FAM20C: variants seen among roughly 807,000 people sequenced by gnomAD.
FAM20C encodes FAM20C golgi associated secretory pathway kinase, also known as extracellular serine/threonine protein kinase FAM20C.
Under a neutral mutation model 51.5 loss-of-function variants are expected in FAM20C, and 40 were observed. The observed-to-expected ratio is 0.78, with a 90% CI of 0.60 to 1.01. FAM20C has a LOEUF of 1.01. Among genes scored for constraint, FAM20C ranks in the 50% least tolerant of loss-of-function variants. The pLI, the probability that FAM20C is intolerant of heterozygous loss-of-function variation, is 0.00. For missense variants in FAM20C, 861 were observed against 844.7 expected (o/e 1.02, Z -0.24); for synonymous variants, 406 against 380.6 (o/e 1.07, Z -0.78).
At chr7:250,655 C>T (rs1436020641) in intron 5 of FAM20C, among the ~76,000 whole-genome samples, 1 of 152,206 alleles carries the variant, frequency 6.6e-6, no homozygotes, top group Non-Finnish European at 1.5e-5. Context: ...GCTGTCAGCC[C>T]TTGGGTCGAC....
At chr7:234,865 C>A (rs1787803610) in intron 3 of FAM20C, among the ~76,000 whole-genome samples, 1 of 152,132 alleles carries the variant, frequency 6.6e-6, no homozygotes, top group South Asian at 2.1e-4. Context: ...CCGAGAAGCC[C>A]ACGGCACTGC....
chr7:241,716 G>T (rs2115134311), intron 3 of FAM20C, among the ~76,000 whole-genome samples: 1 of 152,284 alleles, frequency 6.6e-6, no homozygotes, highest in African/African-American at 2.4e-5. Context: ...GTGTTAATGT[G>T]CATCCACTGT....
intron 3 of FAM20C, among the ~76,000 whole-genome samples, chr7:218,173 G>A (rs1025583351): frequency 1.3e-5 from 2 of 152,192 alleles, no homozygotes; most frequent in African/African-American, 2.4e-5. Context: ...GCGTTCACCC[G>A]GCAGCTCAAG....
chr7:224,122 C>CG (rs1336723013), intron 3 of FAM20C, among the ~76,000 whole-genome samples: 1 of 142,818 alleles, frequency 7.0e-6, no homozygotes, highest in East Asian at 2.1e-4. Flanking sequence ...CAGAGCAGAA[C>CG]GGCACCCTCA....
chr7:230,969 T>C (rs1169318107), intron 3 of FAM20C, among the ~76,000 whole-genome samples: 1 of 152,128 alleles, frequency 6.6e-6, no homozygotes, highest in East Asian at 1.9e-4. Flanking sequence ...TCCCAGCTAC[T>C]CGGGAGGCTG....
At chr7:252,295 C>T (rs533484078) in intron 5 of FAM20C, among the ~76,000 whole-genome samples, 2 of 144,688 alleles carry the variant, frequency 1.4e-5, no homozygotes, top group Non-Finnish European at 3.1e-5. Context: ...TAGACACCCC[C>T]TCGGCCTCCC....
chr7:231,538 C>T (rs567731611), intron 3 of FAM20C, among the ~76,000 whole-genome samples: 6 of 151,310 alleles, frequency 4.0e-5, no homozygotes, highest in African/African-American at 7.3e-5. Flanking sequence ...TGGAGGGCTC[C>T]GTGGGAGGAG....
At position 192,806 on chromosome 7, in the gene FAM20C, G is replaced by A. The variant is rs1785620847; in HGVS notation, c.-394G>A. Among the ~76,000 whole-genome samples the A allele has an allele frequency of 7.1e-6, 1 of 140,338 alleles. No homozygotes were observed. The highest frequency in any genetic ancestry group is 1.6e-5 in the Non-Finnish European group (1 of 63,900). 92.1% of individuals were successfully genotyped at this position (140,338 alleles called of 152,430 possible). On this transcript the variant is annotated 5_prime_UTR_variant, in exon 1 of 10. Transcript: ENST00000313766. ...GAGGATCGGGACGCCTGCGGCCGCC[G>A]CCACCGCCCAGGCCCGTCGCGCCCC...
At chr7:204,681 A>C (rs1160289853) in intron 2 of FAM20C, among the ~76,000 whole-genome samples, 1 of 152,240 alleles carries the variant, frequency 6.6e-6, no homozygotes, top group African/African-American at 2.4e-5. Context: ...GTGAGCGCCC[A>C]CACTGCCGCT....
At chr7:232,848 G>A (rs1787741033) in intron 3 of FAM20C, among the ~76,000 whole-genome samples, 1 of 152,224 alleles carries the variant, frequency 6.6e-6, no homozygotes, top group Non-Finnish European at 1.5e-5. Context: ...AGTTGTTAAG[G>A]AGCCCTGGAT....
chr7:205,571 G>A (rs1201116665), intron 2 of FAM20C, among the ~76,000 whole-genome samples: 4 of 152,138 alleles, frequency 2.6e-5, no homozygotes, highest in Non-Finnish European at 5.9e-5. Flanking sequence ...GGGGAGGGGC[G>A]GGAGGTGCAG....
At chr7:243,817 C>G (rs1314196009) in intron 3 of FAM20C, among the ~76,000 whole-genome samples, 1 of 152,106 alleles carries the variant, frequency 6.6e-6, no homozygotes, top group Non-Finnish European at 1.5e-5. Flanking sequence ...GCTCAGTTTC[C>G]TAGCGGCTTT....
intron 3 of FAM20C, among the ~76,000 whole-genome samples, chr7:216,527 C>A (rs1268409738): frequency 6.6e-6 from 1 of 151,840 alleles, no homozygotes; most frequent in Non-Finnish European, 1.5e-5. Context: ...CAGCTGGGAG[C>A]CCTGGTCCTT....
At chr7:222,156 G>A (rs1449882820) in intron 3 of FAM20C, among the ~76,000 whole-genome samples, 2 of 152,190 alleles carry the variant, frequency 1.3e-5, no homozygotes, top group African/African-American at 4.8e-5. Context: ...AGGAGACAGG[G>A]CAGGGCTGGA....
intron 3 of FAM20C, among the ~76,000 whole-genome samples, chr7:216,872 C>T (rs1008896066): frequency 6.6e-6 from 1 of 152,132 alleles, no homozygotes; most frequent in East Asian, 1.9e-4. Context: ...CTTTAGCCCT[C>T]CTTCCGGGCT....
intron 3 of FAM20C, among the ~76,000 whole-genome samples, chr7:236,561 A>T (rs1787853154): frequency 6.6e-6 from 1 of 151,712 alleles, no homozygotes; most frequent in Non-Finnish European, 1.5e-5. Context: ...CCCACTTCTT[A>T]CTCTGCAGAA....
intron 1 of FAM20C, 147 bp from the exon 2 acceptor site, chr7:195,407 G>C: frequency 3.1e-6 from 2 of 639,028 alleles, no homozygotes; most frequent in South Asian, 8.4e-5. Context: ...GACGTTGCAG[G>C]GCCCTCTTTA....
rs373867104 is a variant in FAM20C at position 259,415 on chromosome 7, G to A, written c.1506-316G>A. On this transcript the variant is annotated intron_variant, in intron 9 of 9. Coordinates refer to ENST00000313766, the MANE Select transcript of FAM20C (RefSeq NM_020223.4). The stretch of plus-strand genomic sequence containing the variant: ...GTTGGATCGCAGGCCCCTCTCTCGC[G>A]GTCTCTCTCGTCTCTGCCGTCTCTA... Among the ~76,000 whole-genome samples the A allele has an allele frequency of 9.0e-4, 46 of 51,388 alleles. No individual in the cohort carries two copies. In the East Asian group the frequency reaches 0.017, roughly 19 times the overall value. 33.7% of individuals were successfully genotyped at this position (51,388 alleles called of 152,430 possible).
intron 2 of FAM20C, among the ~76,000 whole-genome samples, chr7:202,225 G>A (rs111375138): frequency 0.048 from 7,335 of 152,114 alleles, 206 homozygotes; most frequent in African/African-American, 0.056. Flanking sequence ...ATTGCACTGG[G>A]GAATGGGGCT....
Sources: gnomAD v4.1 joint callset for allele counts (sites outside exome capture counted in the v4.1 genomes callset) on GRCh38, gnomAD v4.1.1 for gene constraint, MANE v1.5 for transcripts, NCBI Gene and HGNC (gene_info 2026-07-23, HGNC 2026-07-21) for gene names.